Variants in GDF11 observed in about 807,000 individuals in gnomAD.
The protein encoded by GDF11 is growth differentiation factor 11.
A neutral mutation model predicts 34.4 loss-of-function variants in GDF11; 12 were observed. That is an observed-to-expected ratio of 0.35 (90% confidence interval 0.22 to 0.57). GDF11 has a LOEUF of 0.57. GDF11 is among the 20% of genes least tolerant of loss of function. The probability of loss-of-function intolerance (pLI) is 0.86; values close to 1 mark genes in which losing one functional copy is unlikely to be tolerated. For synonymous variants in GDF11, 212 were observed against 231.1 expected (o/e 0.92, Z 0.75); for missense variants, 346 against 548.2 (o/e 0.63, Z 3.68).
At position 55,748,534 on chromosome 12, in the gene GDF11, G is replaced by C. The variant is rs1375769651; in HGVS notation, c.446-52G>C. ...ATTGCCAGTGCCACCCAGGACTACT[G>C]ATCCCCTACACAAACACCCTTTGCT... On this transcript the variant is annotated intron_variant, in intron 1 of 2. Coordinates refer to ENST00000257868, the MANE Select transcript of GDF11 (RefSeq NM_005811.5). This position sits in a 1 kb window ranked among gnomAD's most constrained non-coding sequence, Gnocchi z 5.6. 2 of 1,526,230 alleles carry C rather than the reference G, an allele frequency of 1.3e-6. No individual in the cohort carries two copies. The highest frequency in any genetic ancestry group is 2.0e-5 in the Admixed American group (1 of 50,526). 94.5% of individuals were successfully genotyped at this position (1,526,230 alleles called of 1,614,324 possible). A position where few individuals can be genotyped will look rare whatever the true frequency, so the allele number is the denominator to read the frequency against.
rs955907097 is a variant in GDF11, at chr12:55,752,726, G to A, written c.*2844G>A. The stretch of plus-strand genomic sequence containing the variant: ...AACTGAGATCAAGGCTTCCTGGAGG[G>A]AACCACTGCAAAAAGGCCATCAGGC... On this transcript the variant is annotated 3_prime_UTR_variant, in exon 3 of 3. Coordinates refer to ENST00000257868, the MANE Select transcript of GDF11 (RefSeq NM_005811.5). The A allele has an allele frequency of 2.0e-5, 3 of 152,112 alleles. No homozygotes were observed. Among genetic ancestry groups the A allele is most frequent in the Admixed American group, 6.5e-5 (1 of 15,270 alleles). 9.4% of individuals were successfully genotyped at this position (152,112 alleles called of 1,614,324 possible). A position where few individuals can be genotyped will look rare whatever the true frequency, so the allele number is the denominator to read the frequency against.
In GDF11 at chr12:55,743,409, G is replaced by T; in HGVS notation, c.93G>T (p.Ala31=). 1.6e-5 allele frequency: 16 copies of T among 999,864 alleles called. No homozygotes were observed. Among genetic ancestry groups the T allele is most frequent in the Non-Finnish European group, 1.9e-5 (16 of 840,598 alleles). The allele number at this position is 999,864 out of a possible 1,614,324, so 61.9% of individuals were successfully genotyped here. ...RGEAAEGPAA[A]AAAAAAAAAA... ...AGGCGGCCGAGGGCCCCGCGGCGGC[G>T]GCGGCGGCGGCGGCGGCGGCGGCAG... The change falls in exon 1 of 3, where the codon GCG becomes GCT. Residue 31 remains alanine, a synonymous_variant. Coordinates refer to ENST00000257868, the MANE Select transcript of GDF11 (RefSeq NM_005811.5).
In GDF11 at chr12:55,748,747, C is replaced by G. The variant is rs764709068; in HGVS notation, c.607C>G (p.Leu203Val). Reference protein sequence around the residue: ...VYLQILRLKPLTGEGTAGGGG... With the variant: ...VYLQILRLKPVTGEGTAGGGG... ...CCTGCAGATCTTGCGACTAAAACCCCTAACTGGGGAAGGGACCGCAGGGGG... is the reference window on the plus strand; with the variant it reads ...CCTGCAGATCTTGCGACTAAAACCCGTAACTGGGGAAGGGACCGCAGGGGG... Residue 203 changes from leucine to valine, a missense_variant, in exon 2 of 3, where the codon CTA becomes GTA. By Grantham distance (32) the Leu-to-Val change is conservative. Around this residue, in one of 3 missense-constraint regions of GDF11, gnomAD observed 205 missense variants for 311.3 expected, o/e 0.66. Transcript: ENST00000257868. This position sits in a 1 kb window ranked among gnomAD's most constrained non-coding sequence, Gnocchi z 5.6. The G allele has an allele frequency of 1.9e-6, 3 of 1,614,262 alleles. No individual in the cohort carries two copies. The highest frequency in any genetic ancestry group is 2.5e-6 in the Non-Finnish European group (3 of 1,180,046).
intron 1 of GDF11, among the ~76,000 whole-genome samples, chr12:55,745,041 T>A (rs150346842): frequency 1.3e-5 from 2 of 151,450 alleles, no homozygotes; most frequent in South Asian, 2.1e-4. Flanking sequence ...GCTGTGGGGG[T>A]GGGAGGTATG....
chr12:55,753,365 A>G lies in GDF11; in HGVS notation c.*3483A>G, dbSNP rs1490206436. ...AAGAGTGGCTAAAATAGCATCTCAA[A>G]TATTCTTTCAGTTCACTGTAAAAAT... On this transcript the variant is annotated 3_prime_UTR_variant, in exon 3 of 3. Coordinates refer to ENST00000257868, the MANE Select transcript of GDF11 (RefSeq NM_005811.5). 2 of 152,218 alleles carry G rather than the reference A, an allele frequency of 1.3e-5. No homozygotes were observed. The highest frequency in any genetic ancestry group is 4.8e-5 in the African/African-American group (2 of 41,454). The allele number at this position is 152,218 out of a possible 1,614,324, so 9.4% of individuals were successfully genotyped here.
intron 1 of GDF11, among the ~76,000 whole-genome samples, chr12:55,745,737 C>A (rs1878168743): frequency 6.6e-6 from 1 of 151,140 alleles, no homozygotes; most frequent in Non-Finnish European, 1.5e-5. Context: ...CCTCCCTCCC[C>A]TCCCCCAGCC....
At position 55,756,364 on chromosome 12, in the gene GDF11, C is replaced by T. The variant is rs956046486; in HGVS notation, c.*6482C>T. Reference sequence around the variant, plus strand: ...TTCTAAATTATCTAAACTTTAGGTCCCTGCTTTCCTCACCAACCAGAGACT... The same window carrying T: ...TTCTAAATTATCTAAACTTTAGGTCTCTGCTTTCCTCACCAACCAGAGACT... On this transcript the variant is annotated 3_prime_UTR_variant, in exon 3 of 3. Transcript: ENST00000257868. 7 of 152,106 alleles carry T rather than the reference C, an allele frequency of 4.6e-5. No homozygotes were observed. Among genetic ancestry groups the T allele is most frequent in the East Asian group, 1.9e-4 (1 of 5,204 alleles). The allele number at this position is 152,106 out of a possible 1,614,324, so 9.4% of individuals were successfully genotyped here.
rs1167558039 is a variant in GDF11, at chr12:55,757,193, T to C, written c.*7311T>C. ...AGGTATTATGGCCAATTCTCTATAA[T>C]ATTTGCCCCTGAAGCTCCCCTTATC... On this transcript the variant is annotated 3_prime_UTR_variant, in exon 3 of 3. Coordinates refer to ENST00000257868, the MANE Select transcript of GDF11 (RefSeq NM_005811.5). 1 of 208,428 alleles carries C rather than the reference T, an allele frequency of 4.8e-6. No homozygotes were observed. 12.9% of individuals were successfully genotyped at this position (208,428 alleles called of 1,614,324 possible).
intron 1 of GDF11, among the ~76,000 whole-genome samples, chr12:55,747,919 C>G (rs761146855): frequency 6.6e-6 from 1 of 152,176 alleles, no homozygotes; most frequent in Non-Finnish European, 1.5e-5. Context: ...GATGATGGAG[C>G]AGCAGCTGAA....
At chr12:55,747,635 A>G (rs1039538640) in intron 1 of GDF11, among the ~76,000 whole-genome samples, 1 of 152,238 alleles carries the variant, frequency 6.6e-6, no homozygotes, top group African/African-American at 2.4e-5. Context: ...AGGCAGAGGC[A>G]GATATTTATT....
At position 55,749,978 on chromosome 12, in the gene GDF11, C is replaced by CCG; in HGVS notation, c.*99_*100dup. ...AGCCCTAGAGCTCCCTCCACTCTTC[C>CCG]CGCGAACATCACACCGTTCCCCGAC... On this transcript the variant is annotated 3_prime_UTR_variant, in exon 3 of 3. Coordinates refer to ENST00000257868, the MANE Select transcript of GDF11 (RefSeq NM_005811.5). The surrounding 1 kb of genome is among the most constrained non-coding windows in gnomAD (Gnocchi z 5.6). The CCG allele has an allele frequency of 9.6e-7, 1 of 1,043,468 alleles. No homozygotes were observed. Among genetic ancestry groups the CCG allele is most frequent in the Non-Finnish European group, 1.4e-6 (1 of 711,270 alleles). The allele number at this position is 1,043,468 out of a possible 1,614,324, so 64.6% of individuals were successfully genotyped here.
At position 55,756,577 on chromosome 12, in the gene GDF11, T is replaced by C. The variant is rs983598694; in HGVS notation, c.*6695T>C. On this transcript the variant is annotated 3_prime_UTR_variant, in exon 3 of 3. Coordinates refer to ENST00000257868, the MANE Select transcript of GDF11 (RefSeq NM_005811.5). ...GGCTCCTAAGTCTTATTACCAAAAA[T>C]AGCTCAAACAAAAACCGAGCTTATA... 2.4e-4 allele frequency: 37 copies of C among 152,156 alleles called. No homozygotes were observed. Among genetic ancestry groups the C allele is most frequent in the African/African-American group, 7.7e-4 (32 of 41,456 alleles). 9.4% of individuals were successfully genotyped at this position (152,156 alleles called of 1,614,324 possible).
In GDF11 at chr12:55,755,274, T is replaced by C. The variant is rs1878470274; in HGVS notation, c.*5392T>C. The C allele has an allele frequency of 6.8e-6, 1 of 147,548 alleles. No individual in the cohort carries two copies. The highest frequency in any genetic ancestry group is 2.2e-4 in the South Asian group (1 of 4,604). The allele number at this position is 147,548 out of a possible 1,614,324, so 9.1% of individuals were successfully genotyped here. ...CACACCTTCCTTCCTATAGCCCTCA[T>C]CCTCACAGAAGCTTCTAGCCTCTAT... On this transcript the variant is annotated 3_prime_UTR_variant, in exon 3 of 3. Coordinates refer to ENST00000257868, the MANE Select transcript of GDF11 (RefSeq NM_005811.5).
rs763392281 is a variant in GDF11, at chr12:55,749,786, G to A, written c.1128G>A (p.Lys376=). 1 of 1,614,120 alleles carries A rather than the reference G, an allele frequency of 6.2e-7. No individual in the cohort carries two copies. The highest frequency in any genetic ancestry group is 8.5e-7 in the Non-Finnish European group (1 of 1,180,016). ...CTGGGCCCTGTTGTACCCCCACCAA[G>A]ATGTCCCCAATCAACATGCTCTACT... ...GSAGPCCTPT[K]MSPINMLYFN... is the part of the protein sequence containing the mutation. The change falls in exon 3 of 3, where the codon AAG becomes AAA. Residue 376 remains lysine, a synonymous_variant. Transcript: ENST00000257868. This position sits in a 1 kb window ranked among gnomAD's most constrained non-coding sequence, Gnocchi z 5.6.
At position 55,743,314 on chromosome 12, in the gene GDF11, A is replaced by G; in HGVS notation, c.-3A>G. 3.3e-6 allele frequency: 3 copies of G among 922,162 alleles called. No homozygotes were observed. The highest frequency in any genetic ancestry group is 3.8e-6 in the Non-Finnish European group (3 of 781,470). The allele number at this position is 922,162 out of a possible 1,614,324, so 57.1% of individuals were successfully genotyped here. On this transcript the variant is annotated 5_prime_UTR_variant, in exon 1 of 3. Coordinates refer to ENST00000257868, the MANE Select transcript of GDF11 (RefSeq NM_005811.5). ...CCCAGTCCTCCCTCCCCTCCCCTCCAGCATGGTGCTCGCGGCCCCGCTGCT... is the reference window on the plus strand; with the variant it reads ...CCCAGTCCTCCCTCCCCTCCCCTCCGGCATGGTGCTCGCGGCCCCGCTGCT...
In GDF11 at chr12:55,757,090, G is replaced by C. The variant is rs932320417; in HGVS notation, c.*7208G>C. 4.6e-5 allele frequency: 7 copies of C among 153,226 alleles called. No homozygotes were observed. The highest frequency in any genetic ancestry group is 1.4e-4 in the African/African-American group (6 of 41,464). 9.5% of individuals were successfully genotyped at this position (153,226 alleles called of 1,614,324 possible). ...TCTTCACAGAGGATAAAAAATGCTTGTGAGTATGACAGAAGGGAATAAACA... is the reference window on the plus strand; with the variant it reads ...TCTTCACAGAGGATAAAAAATGCTTCTGAGTATGACAGAAGGGAATAAACA... On this transcript the variant is annotated 3_prime_UTR_variant, in exon 3 of 3. Coordinates refer to ENST00000257868, the MANE Select transcript of GDF11 (RefSeq NM_005811.5).
At position 55,751,982 on chromosome 12, in the gene GDF11, T is replaced by C. The variant is rs897143926; in HGVS notation, c.*2100T>C. 1 of 152,196 alleles carries C rather than the reference T, an allele frequency of 6.6e-6. No individual in the cohort carries two copies. Among genetic ancestry groups the C allele is most frequent in the Non-Finnish European group, 1.5e-5 (1 of 68,042 alleles). 9.4% of individuals were successfully genotyped at this position (152,196 alleles called of 1,614,324 possible). A position where few individuals can be genotyped will look rare whatever the true frequency, so the allele number is the denominator to read the frequency against. On this transcript the variant is annotated 3_prime_UTR_variant, in exon 3 of 3. Coordinates refer to ENST00000257868, the MANE Select transcript of GDF11 (RefSeq NM_005811.5). ...CTTTAACATCTTATTCCTATTCTTATAGTGAGAAAGTGAAACAAGATCTTT... is the reference window on the plus strand; with the variant it reads ...CTTTAACATCTTATTCCTATTCTTACAGTGAGAAAGTGAAACAAGATCTTT...
rs964209229 is a variant in GDF11, at chr12:55,754,244, G to A, written c.*4362G>A. 1.3e-5 allele frequency: 2 copies of A among 152,162 alleles called. No homozygotes were observed. The highest frequency in any genetic ancestry group is 4.8e-5 in the African/African-American group (2 of 41,432). The allele number at this position is 152,162 out of a possible 1,614,324, so 9.4% of individuals were successfully genotyped here. On this transcript the variant is annotated 3_prime_UTR_variant, in exon 3 of 3. Transcript: ENST00000257868. ...GGTTTTCTCTCCCTGTGGCTCATTT[G>A]TTTCCTATATTGAGAGAACACCCAA...
rs1273133141 is a variant in GDF11 at position 55,750,116 on chromosome 12, TG to T, written c.*235del. ...GTGGGGAGTGTTTGAAGTTTGCAGA[TG>T]AGAAGGTTTGACAAAAAGACAGAGA... On this transcript the variant is annotated 3_prime_UTR_variant, in exon 3 of 3. Transcript: ENST00000257868. 1 of 528,224 alleles carries T rather than the reference TG, an allele frequency of 1.9e-6. No homozygotes were observed. Among genetic ancestry groups the T allele is most frequent in the African/African-American group, 1.9e-5 (1 of 52,908 alleles). The allele number at this position is 528,224 out of a possible 1,614,324, so 32.7% of individuals were successfully genotyped here.
Sources: allele counts gnomAD v4.1 joint callset (sites outside exome capture counted in the v4.1 genomes callset), GRCh38; gene constraint gnomAD v4.1.1; regional missense constraint gnomAD v4.1.1; non-coding constraint Gnocchi (gnomAD v3.1); transcripts MANE v1.5; gene names NCBI Gene and HGNC (gene_info 2026-07-23, HGNC 2026-07-21).